GRM7: variants seen among roughly 807,000 people sequenced by gnomAD.
GRM7 encodes the protein metabotropic glutamate receptor 7.
Under a neutral mutation model 84.5 loss-of-function variants are expected in GRM7, and 35 were observed. That is an observed-to-expected ratio of 0.41 (90% confidence interval 0.32 to 0.55). The LOEUF (loss-of-function observed/expected upper bound fraction) is 0.55. GRM7 is among the 20% of genes least tolerant of loss of function. GRM7 has a pLI of 0.19. For synonymous variants in GRM7, 487 were observed against 455.1 expected, an observed-to-expected ratio of 1.07 and a Z score of -0.89; for missense variants, 1,003 against 1,194.6, an observed-to-expected ratio of 0.84 and a Z score of 2.36.
At chr3:7,552,292 C>T (rs1693514408) in intron 7 of GRM7, among the ~76,000 whole-genome samples, 1 of 152,166 alleles carries the variant, frequency 6.6e-6, no homozygotes, top group African/African-American at 2.4e-5. Flanking sequence ...AGGGTACAGC[C>T]CCACTCCTGG....
At chr3:7,452,538 A>C in intron 5 of GRM7, 69 bp from the exon 6 acceptor site, 2 of 1,033,002 alleles carry the variant, frequency 1.9e-6, no homozygotes, top group South Asian at 1.3e-5. Flanking sequence ...TTAAATTTGG[A>C]CATTCTACTC....
rs765562957 is a variant in GRM7, at chr3:7,680,104, C to T, written c.2507C>T (p.Ala836Val). ...TISMNLSASV[A>V]LGMLYMPKVY... Reference sequence around the variant, plus strand: ...TCCATGAACCTAAGTGCATCAGTGGCGCTGGGGATGCTATACATGCCGAAA... The same window carrying T: ...TCCATGAACCTAAGTGCATCAGTGGTGCTGGGGATGCTATACATGCCGAAA... The change falls in exon 9 of 10, where the codon GCG (alanine) becomes GTG (valine). Residue 836 changes from alanine (A) to valine (V), a missense_variant. Physicochemically the swap from Ala to Val is moderately conservative, Grantham distance 64. Around this residue, in one of 2 missense-constraint regions of GRM7, gnomAD observed 910 missense variants for 1,126.0 expected, o/e 0.81. Coordinates refer to ENST00000357716, the MANE Select transcript of GRM7 (RefSeq NM_000844.4). The T allele has an allele frequency of 6.8e-6, 11 of 1,613,432 alleles. No homozygotes were observed. The highest frequency in any genetic ancestry group is 6.7e-5 in the African/African-American group (5 of 74,884).
chr3:7,524,616 CA>C (rs2124996022), intron 7 of GRM7, among the ~76,000 whole-genome samples: 2 of 86,574 alleles, frequency 2.3e-5, no homozygotes, highest in East Asian at 5.3e-4. Context: ...CAGGAAACAA[CA>C]GGTGCTGGAG....
chr3:7,404,904 A>ATAGATAG (rs1695609112), intron 4 of GRM7, among the ~76,000 whole-genome samples: 2 of 152,314 alleles, frequency 1.3e-5, no homozygotes, highest in Middle Eastern at 3.4e-3. Context: ...CTTGATAGAC[A>ATAGATAG]ATCTCTAACA....
chr3:7,064,477 T>TAG (rs1230329947), intron 1 of GRM7, among the ~76,000 whole-genome samples: 1 of 85,452 alleles, frequency 1.2e-5, no homozygotes, highest in Admixed American at 1.1e-4. Context: ...TATATATATA[T>TAG]ATACACACAT....
At chr3:7,413,103 T>G (rs1352026216) in intron 4 of GRM7, among the ~76,000 whole-genome samples, 1 of 152,182 alleles carries the variant, frequency 6.6e-6, no homozygotes, top group African/African-American at 2.4e-5. Context: ...TTGGACAGCC[T>G]ATTCCTAAAA....
At chr3:7,245,347 G>T (rs1697718332) in intron 2 of GRM7, among the ~76,000 whole-genome samples, 1 of 151,832 alleles carries the variant, frequency 6.6e-6, no homozygotes, top group African/African-American at 2.4e-5. Flanking sequence ...ATCATATCTA[G>T]GACATCATGG....
rs1431935637 is a variant in GRM7 at position 7,603,474 on chromosome 3, T to C, written c.2451+24117T>C. On this transcript the variant is annotated intron_variant, in intron 8 of 9. Coordinates refer to ENST00000357716, the MANE Select transcript of GRM7 (RefSeq NM_000844.4). ...GATAGGCCATAAATAGCACTGAGGA[T>C]TTCCAAGGGTTATTGTTCTAGGTTT... 2.6e-5 allele frequency among the ~76,000 whole-genome samples: 4 copies of C among 152,132 alleles called. 1 individual carries two copies. Among genetic ancestry groups the C allele is most frequent in the Non-Finnish European group, 5.9e-5 (4 of 68,028 alleles).
intron 7 of GRM7, among the ~76,000 whole-genome samples, chr3:7,522,767 G>A (rs1156504333): frequency 1.3e-5 from 2 of 152,130 alleles, no homozygotes; most frequent in African/African-American, 4.8e-5. Flanking sequence ...TTGTGTCTCT[G>A]AAATTTGTAC....
At chr3:7,322,199 C>G (rs1186377054) in intron 4 of GRM7, among the ~76,000 whole-genome samples, 1 of 151,906 alleles carries the variant, frequency 6.6e-6, no homozygotes, top group Non-Finnish European at 1.5e-5. Context: ...TTCTAGTGGA[C>G]GCTTATAATA....
At chr3:7,184,481 T>G (rs965588055) in intron 2 of GRM7, among the ~76,000 whole-genome samples, 1 of 152,138 alleles carries the variant, frequency 6.6e-6, no homozygotes, top group African/African-American at 2.4e-5. Context: ...ATTGTTCCAC[T>G]GCTTAATGAT....
intron 1 of GRM7, among the ~76,000 whole-genome samples, chr3:7,016,464 T>A (rs992496651): frequency 6.6e-5 from 10 of 152,102 alleles, no homozygotes; most frequent in African/African-American, 2.4e-4. Flanking sequence ...GGTGAGGAAG[T>A]CATCATGATG....
intron 2 of GRM7, among the ~76,000 whole-genome samples, chr3:7,259,953 G>GTTTTTTGTTTTTTTTTTT (rs1553638865): frequency 1.1e-5 from 1 of 89,668 alleles, no homozygotes; most frequent in African/African-American, 5.9e-5. Flanking sequence ...ACCAGCATCT[G>GTTTTTTGTTTTTTTTTTT]TTTTTTTTTT....
intron 2 of GRM7, among the ~76,000 whole-genome samples, chr3:7,276,475 A>T (rs976854234): frequency 6.6e-6 from 1 of 151,948 alleles, no homozygotes; most frequent in Non-Finnish European, 1.5e-5. Flanking sequence ...TAAGGTACAA[A>T]TTAGGAATTA....
At chr3:7,335,618 C>G (rs1356652323) in intron 4 of GRM7, among the ~76,000 whole-genome samples, 1 of 151,848 alleles carries the variant, frequency 6.6e-6, no homozygotes, top group Non-Finnish European at 1.5e-5. Context: ...AAACAAAAAG[C>G]TGTTTCTTTG....
At chr3:7,641,753 A>G (rs138702066) in intron 8 of GRM7, among the ~76,000 whole-genome samples, 3 of 152,354 alleles carry the variant, frequency 2.0e-5, no homozygotes, top group South Asian at 2.1e-4. Context: ...TCTGATAAAC[A>G]TTACAAACAA....
At position 7,310,519 on chromosome 3, in the gene GRM7, A is replaced by G. The variant is rs185226624; in HGVS notation, c.1033+3867A>G. ...TTCTCTTGATTACCTGCAATGGTCTACCTGTGTCACAGGGTTTCTCTAGGT... is the reference window on the plus strand; with the variant it reads ...TTCTCTTGATTACCTGCAATGGTCTGCCTGTGTCACAGGGTTTCTCTAGGT... On this transcript the variant is annotated intron_variant, in intron 4 of 9. Coordinates refer to ENST00000357716, the MANE Select transcript of GRM7 (RefSeq NM_000844.4). Among the ~76,000 whole-genome samples, 229 of 152,268 alleles carry G rather than the reference A, an allele frequency of 1.5e-3. 3 individuals carry two copies. The highest frequency in any genetic ancestry group is 4.8e-3 in the East Asian group (25 of 5,172).
chr3:7,226,935 C>T (rs901995260), intron 2 of GRM7, among the ~76,000 whole-genome samples: 2 of 152,080 alleles, frequency 1.3e-5, no homozygotes, highest in Non-Finnish European at 2.9e-5. Flanking sequence ...GATTTGCTCC[C>T]ATAAATAAAT....
intron 7 of GRM7, among the ~76,000 whole-genome samples, chr3:7,575,077 TC>T (rs796250838): frequency 9.8e-5 from 15 of 152,316 alleles, no homozygotes; most frequent in African/African-American, 3.4e-4. Flanking sequence ...ATTTGCTCTT[TC>T]CCTAAACTAC....
Sources: allele counts gnomAD v4.1 joint callset (sites outside exome capture counted in the v4.1 genomes callset), GRCh38; gene constraint gnomAD v4.1.1; regional missense constraint gnomAD v4.1.1; transcripts MANE v1.5; gene names NCBI Gene and HGNC (gene_info 2026-07-23, HGNC 2026-07-21).